OSBPL8: variants seen among roughly 807,000 people sequenced by gnomAD.
OSBPL8 encodes oxysterol binding protein like 8.
A neutral mutation model predicts 125.5 loss-of-function variants in OSBPL8; 59 were observed. The ratio of observed to expected loss-of-function variants is 0.47; its 90% confidence interval spans 0.38 to 0.58. OSBPL8 has a LOEUF of 0.58. Ranked by LOEUF, OSBPL8 falls within the 20% of genes least tolerant of loss-of-function variation. The pLI is 0.00. For synonymous variants in OSBPL8, 330 were observed against 338.9 expected, an observed-to-expected ratio of 0.97 and a Z score of 0.29; for missense variants, 758 against 1,047.8, an observed-to-expected ratio of 0.72 and a Z score of 3.82.
At chr12:76,430,207 C>G (rs1870645739) in intron 4 of OSBPL8, among the ~76,000 whole-genome samples, 1 of 152,074 alleles carries the variant, frequency 6.6e-6, no homozygotes, top group Admixed American at 6.6e-5. Context: ...GAATGTGGCC[C>G]TATATCATGA....
rs534833811 is a variant in OSBPL8, at chr12:76,447,079, G to A, written c.217+3772C>T. 9.2e-5 allele frequency among the ~76,000 whole-genome samples: 14 copies of A among 152,238 alleles called. No homozygotes were observed. In the South Asian group the frequency reaches 2.9e-3, roughly 31 times the overall value. ...ATTAACACATATAACAAGAATGACA[G>A]AATTATAAAATCACTATTTTTCAAC... is the stretch of plus-strand genomic sequence containing the variant. On this transcript the variant is annotated intron_variant, in intron 4 of 23. Transcript: ENST00000261183.
intron 4 of OSBPL8, among the ~76,000 whole-genome samples, chr12:76,419,152 C>T (rs1018854900): frequency 7.2e-5 from 11 of 151,872 alleles, no homozygotes; most frequent in Non-Finnish European, 1.3e-4. Context: ...AGGTGAATCC[C>T]TTGAACCTAG....
At chr12:76,360,977 A>C (rs532485762) in intron 21 of OSBPL8, among the ~76,000 whole-genome samples, 1 of 152,198 alleles carries the variant, frequency 6.6e-6, no homozygotes, top group Non-Finnish European at 1.5e-5. Flanking sequence ...CATGCCCTGG[A>C]GACATTTTCC....
chr12:76,396,980 A>G (rs954450854), intron 8 of OSBPL8, among the ~76,000 whole-genome samples: 2 of 151,566 alleles, frequency 1.3e-5, no homozygotes, highest in Admixed American at 6.6e-5. Flanking sequence ...ATACTTGGCT[A>G]ATTTTTGTAT....
chr12:76,393,924 G>T (rs1953679806), intron 9 of OSBPL8, among the ~76,000 whole-genome samples: 1 of 151,704 alleles, frequency 6.6e-6, no homozygotes, highest in Non-Finnish European at 1.5e-5. Flanking sequence ...GGAGGCTGAG[G>T]CAGGAGAATC....
At chr12:76,546,841 T>C (rs752769731) in intron 1 of OSBPL8, among the ~76,000 whole-genome samples, 6 of 152,180 alleles carry the variant, frequency 3.9e-5, no homozygotes, top group Non-Finnish European at 7.4e-5. Flanking sequence ...TCCACTACAT[T>C]AGAAAATATT....
intron 21 of OSBPL8, 101 bp downstream of exon 21, chr12:76,369,113 C>A: frequency 6.9e-6 from 10 of 1,441,928 alleles, no homozygotes; most frequent in Non-Finnish European, 9.2e-6. Context: ...TTTTGCTCAC[C>A]CAAAATTTTA....
rs562724421 is a variant in OSBPL8 at position 76,479,390 on chromosome 12, A to G, written c.42+8120T>C. Among the ~76,000 whole-genome samples the G allele has an allele frequency of 2.0e-5, 3 of 152,308 alleles. No individual in the cohort carries two copies. In the South Asian group the frequency reaches 6.2e-4, roughly 32 times the overall value. ...AAATAGAAGATTTTTATTGCATTAA[A>G]AAAATGTATGTTGATTGGTTTGCTT... On this transcript the variant is annotated intron_variant, in intron 2 of 23. Transcript: ENST00000261183.
rs1345666300 is a variant in OSBPL8 at position 76,552,535 on chromosome 12, T to C, written c.-68+6862A>G. On this transcript the variant is annotated intron_variant, in intron 1 of 23. Transcript: ENST00000261183. Reference sequence around the variant, plus strand: ...CTTCCCACAACCTCTGTCTACTACATGGTCCCTCCCTCACAATAGCAGCCT... The same window carrying C: ...CTTCCCACAACCTCTGTCTACTACACGGTCCCTCCCTCACAATAGCAGCCT... 2.0e-5 allele frequency among the ~76,000 whole-genome samples: 3 copies of C among 151,028 alleles called. No homozygotes were observed. In the East Asian group the frequency reaches 5.9e-4, roughly 29 times the overall value.
chr12:76,380,383 C>T (rs1057172027), intron 15 of OSBPL8, among the ~76,000 whole-genome samples: 1 of 151,670 alleles, frequency 6.6e-6, no homozygotes, highest in East Asian at 1.9e-4. Flanking sequence ...TATTTGGATG[C>T]TATTATAATT....
chr12:76,449,154 C>T (rs961762430), intron 4 of OSBPL8, among the ~76,000 whole-genome samples: 5 of 152,152 alleles, frequency 3.3e-5, no homozygotes, highest in African/African-American at 1.2e-4. Context: ...CAAAGTATGA[C>T]AGAACTCTAA....
At chr12:76,460,399 A>G (rs898341360) in intron 2 of OSBPL8, among the ~76,000 whole-genome samples, 1 of 152,108 alleles carries the variant, frequency 6.6e-6, no homozygotes, top group Admixed American at 6.6e-5. Flanking sequence ...ACAAAAGAGT[A>G]AGGAACATTT....
chr12:76,448,970 G>A lies in OSBPL8; in HGVS notation c.217+1881C>T, dbSNP rs934334612. ...GGAGGTTGCAGTGAGCTGAGATCGC[G>A]CCACTGCACTCTAGCCTGGCGACAG... is the stretch of plus-strand genomic sequence containing the variant. On this transcript the variant is annotated intron_variant, in intron 4 of 23. Transcript: ENST00000261183. Among the ~76,000 whole-genome samples, 25 of 152,218 alleles carry A rather than the reference G, an allele frequency of 1.6e-4. No individual in the cohort carries two copies. The Middle Eastern group carries it at 0.01, about 62-fold the overall frequency.
In OSBPL8 at chr12:76,353,581, C is replaced by T. The variant is rs1216282121; in HGVS notation, c.*2308G>A. The T allele has an allele frequency of 6.6e-6, 1 of 152,300 alleles. No individual in the cohort carries two copies. 9.4% of individuals were successfully genotyped at this position (152,300 alleles called of 1,614,324 possible). A position where few individuals can be genotyped will look rare whatever the true frequency, so the allele number is the denominator to read the frequency against. ...GGTAAATAACATTCAAAGTCAATTACATATATGGCTACAAAGTTAGTAATT... is the reference window on the plus strand; with the variant it reads ...GGTAAATAACATTCAAAGTCAATTATATATATGGCTACAAAGTTAGTAATT... On this transcript the variant is annotated 3_prime_UTR_variant, in exon 24 of 24. Coordinates refer to ENST00000261183, the MANE Select transcript of OSBPL8 (RefSeq NM_020841.5).
chr12:76,409,277 C>T (rs1954408201), intron 5 of OSBPL8, among the ~76,000 whole-genome samples: 1 of 152,108 alleles, frequency 6.6e-6, no homozygotes, highest in African/African-American at 2.4e-5. Context: ...TCTACCTATC[C>T]TTAGAAGAAA....
chr12:76,506,351 G>A (rs193157114), intron 1 of OSBPL8, among the ~76,000 whole-genome samples: 3 of 152,250 alleles, frequency 2.0e-5, no homozygotes, highest in African/African-American at 7.2e-5. Context: ...TGAGGCTGAC[G>A]GGGAAGAGGT....
At chr12:76,523,936 T>G (rs914332431) in intron 1 of OSBPL8, among the ~76,000 whole-genome samples, 3 of 152,182 alleles carry the variant, frequency 2.0e-5, no homozygotes, top group Non-Finnish European at 2.9e-5. Context: ...ATCTTCTCAA[T>G]GGCAAAGCAT....
At chr12:76,413,842 C>A (rs2136439508) in intron 4 of OSBPL8, among the ~76,000 whole-genome samples, 1 of 151,886 alleles carries the variant, frequency 6.6e-6, no homozygotes, top group East Asian at 1.9e-4. Flanking sequence ...AGATACTAGT[C>A]CTTTGCCAAA....
At chr12:76,400,962 T>C (rs1205775172) in intron 6 of OSBPL8, among the ~76,000 whole-genome samples, 1 of 151,890 alleles carries the variant, frequency 6.6e-6, no homozygotes, top group Non-Finnish European at 1.5e-5. Flanking sequence ...CTAAGTTTTG[T>C]ATTTTTTGTA....
Sources: allele counts gnomAD v4.1 joint callset (sites outside exome capture counted in the v4.1 genomes callset), GRCh38; gene constraint gnomAD v4.1.1; transcripts MANE v1.5; gene names NCBI Gene and HGNC (gene_info 2026-07-23, HGNC 2026-07-21).